Variants in TNIK observed in about 807,000 individuals in gnomAD.
The protein encoded by TNIK is TRAF2 and NCK-interacting protein kinase.
In TNIK, 49 loss-of-function variants were observed where a neutral mutation model predicts 191.3. The observed-to-expected ratio is 0.26, with a 90% CI of 0.20 to 0.32. TNIK has a LOEUF of 0.32. Ranked by LOEUF, TNIK falls within the 10% of genes least tolerant of loss-of-function variation. The probability of loss-of-function intolerance (pLI) is 1.00; values close to 1 mark genes in which losing one functional copy is unlikely to be tolerated. For missense variants in TNIK, 1,155 were observed against 1,702.3 expected (o/e 0.68, Z 5.66); for synonymous variants, 594 against 600.9 (o/e 0.99, Z 0.17).
chr3:171,261,831 C>A (rs1490678975), intron 2 of TNIK, among the ~76,000 whole-genome samples: 2 of 152,084 alleles, frequency 1.3e-5, no homozygotes, highest in African/African-American at 4.8e-5. Flanking sequence ...TTCAGAGAAT[C>A]AAACAGGAGA....
chr3:171,188,617 T>A, intron 7 of TNIK, 85 bp downstream of exon 7: 1 of 1,495,020 alleles, frequency 6.7e-7, no homozygotes, highest in Non-Finnish European at 9.0e-7. Context: ...GTGACATAAA[T>A]CATAAATATA....
chr3:171,072,552 C>T (rs1324951336), intron 28 of TNIK, among the ~76,000 whole-genome samples: 1 of 151,970 alleles, frequency 6.6e-6, no homozygotes, highest in African/African-American at 2.4e-5. Flanking sequence ...CTTACCACTC[C>T]TATAGTATTG....
intron 1 of TNIK, among the ~76,000 whole-genome samples, chr3:171,459,207 A>C (rs1232181779): frequency 1.3e-5 from 2 of 150,554 alleles, no homozygotes; most frequent in Non-Finnish European, 3.0e-5. Flanking sequence ...GGCCACAGAC[A>C]CGGGGAAAAC....
rs537178449 is a variant in TNIK at position 171,134,821 on chromosome 3, A to G, written c.1608+3370T>C. Among the ~76,000 whole-genome samples, 18 of 152,368 alleles carry G rather than the reference A, an allele frequency of 1.2e-4. No homozygotes were observed. The South Asian group carries it at 3.7e-3, about 32-fold the overall frequency. On this transcript the variant is annotated intron_variant, in intron 15 of 32. Coordinates refer to ENST00000436636, the MANE Select transcript of TNIK (RefSeq NM_015028.4). Reference sequence around the variant, plus strand: ...GAAGAAACAAGAACAGAGAGAACAAAGCAGTATAAGAGCATTACATTGCTG... The same window carrying G: ...GAAGAAACAAGAACAGAGAGAACAAGGCAGTATAAGAGCATTACATTGCTG...
intron 1 of TNIK, among the ~76,000 whole-genome samples, chr3:171,376,507 T>C (rs1260454245): frequency 1.3e-5 from 2 of 152,140 alleles, no homozygotes; most frequent in East Asian, 1.9e-4. Flanking sequence ...CCCTGCTTCA[T>C]GGTGCTTCCA....
intron 3 of TNIK, among the ~76,000 whole-genome samples, chr3:171,213,272 A>T (rs752275919): frequency 3.3e-5 from 5 of 151,186 alleles, no homozygotes; most frequent in Non-Finnish European, 4.4e-5. Flanking sequence ...ATGTGAGCGG[A>T]TGTACTTTGG....
At chr3:171,284,066 T>G (rs1405640415) in intron 2 of TNIK, among the ~76,000 whole-genome samples, 1 of 152,236 alleles carries the variant, frequency 6.6e-6, no homozygotes. Flanking sequence ...TTAACTTGCT[T>G]GGGAATGCAA....
chr3:171,099,664 T>C (rs1723179497), intron 22 of TNIK, among the ~76,000 whole-genome samples: 1 of 152,000 alleles, frequency 6.6e-6, no homozygotes, highest in African/African-American at 2.4e-5. Context: ...CATACAGCGG[T>C]AGCACAGAAG....
In TNIK at chr3:171,063,841, A is replaced by G. The variant is rs747342787; in HGVS notation, c.*40T>C. On this transcript the variant is annotated 3_prime_UTR_variant, in exon 33 of 33. Coordinates refer to ENST00000436636, the MANE Select transcript of TNIK (RefSeq NM_015028.4). ...CACATGAGTTATGTTCTTTTAAATT[A>G]GAAATAACGCCATGAAGATAAGTGC... 1.3e-6 allele frequency: 2 copies of G among 1,594,656 alleles called. No individual in the cohort carries two copies. The highest frequency in any genetic ancestry group is 2.2e-5 in the South Asian group (2 of 89,148).
At chr3:171,428,431 C>T (rs1268696112) in intron 1 of TNIK, among the ~76,000 whole-genome samples, 1 of 152,114 alleles carries the variant, frequency 6.6e-6, no homozygotes, top group South Asian at 2.1e-4. Context: ...AGGGTCATAG[C>T]TTTATCTCTC....
At chr3:171,398,337 C>T (rs1720499833) in intron 1 of TNIK, among the ~76,000 whole-genome samples, 1 of 152,180 alleles carries the variant, frequency 6.6e-6, no homozygotes, top group South Asian at 2.1e-4. Flanking sequence ...AATAGCATCA[C>T]ATTTTTATTT....
intron 22 of TNIK, among the ~76,000 whole-genome samples, chr3:171,095,478 G>GT (rs1207953603): frequency 6.6e-6 from 1 of 152,158 alleles, no homozygotes; most frequent in Non-Finnish European, 1.5e-5. Flanking sequence ...AAATAGGAAA[G>GT]TTATCAAGGC....
chr3:171,070,780 A>G (rs1285874319), intron 29 of TNIK, among the ~76,000 whole-genome samples: 1 of 152,228 alleles, frequency 6.6e-6, no homozygotes, highest in Admixed American at 6.5e-5. Flanking sequence ...TATAAGCATC[A>G]CCTGAGTTTT....
At chr3:171,258,006 C>T (rs1194223421) in intron 2 of TNIK, among the ~76,000 whole-genome samples, 3 of 152,178 alleles carry the variant, frequency 2.0e-5, no homozygotes, top group Admixed American at 6.5e-5. Context: ...TACAGACAAA[C>T]ACATCATCTT....
intron 1 of TNIK, among the ~76,000 whole-genome samples, chr3:171,458,769 G>A (rs368253533): frequency 1.3e-5 from 2 of 152,182 alleles, no homozygotes; most frequent in East Asian, 1.9e-4. Flanking sequence ...TCCCTGTAGA[G>A]AGCCACCATG....
chr3:171,147,523 G>A (rs1731799026), intron 12 of TNIK, among the ~76,000 whole-genome samples: 1 of 152,154 alleles, frequency 6.6e-6, no homozygotes, highest in East Asian at 1.9e-4. Flanking sequence ...GACTAAAACT[G>A]GAGTTCCAAA....
chr3:171,074,455 T>C (rs1173162938), intron 28 of TNIK, among the ~76,000 whole-genome samples: 1 of 152,086 alleles, frequency 6.6e-6, no homozygotes, highest in East Asian at 1.9e-4. Context: ...AGCCTCACCA[T>C]TATGCAATAT....
intron 2 of TNIK, among the ~76,000 whole-genome samples, chr3:171,276,396 G>A (rs1279975871): frequency 6.6e-6 from 1 of 152,108 alleles, no homozygotes; most frequent in Non-Finnish European, 1.5e-5. Flanking sequence ...TGGAGGAGGG[G>A]CTGGGAAAAA....
In TNIK at chr3:171,425,209, A is replaced by G. The variant is rs185525239; in HGVS notation, c.57+34798T>C. The stretch of plus-strand genomic sequence containing the variant: ...TATACATGTCCAAATATCAAAAGCC[A>G]CAATTTAAGCCAGCTGCCAAATACT... On this transcript the variant is annotated intron_variant, in intron 1 of 32. Coordinates refer to ENST00000436636, the MANE Select transcript of TNIK (RefSeq NM_015028.4). Among the ~76,000 whole-genome samples the G allele has an allele frequency of 1.3e-3, 204 of 152,336 alleles. 1 individual carries two copies. Among genetic ancestry groups the G allele is most frequent in the Non-Finnish European group, 2.3e-3 (154 of 68,022 alleles).
Sources: gnomAD v4.1 joint callset for allele counts (sites outside exome capture counted in the v4.1 genomes callset) on GRCh38, gnomAD v4.1.1 for gene constraint, MANE v1.5 for transcripts, NCBI Gene and HGNC (gene_info 2026-07-23, HGNC 2026-07-21) for gene names.